The following EHBP1 variants were observed in gnomAD, a reference collection of about 807,000 sequenced individuals.
EHBP1 encodes EH domain-binding protein 1.
In EHBP1, 55 loss-of-function variants were observed where a neutral mutation model predicts 144.0. The observed-to-expected ratio is 0.38, with a 90% confidence interval of 0.31 to 0.48. The LOEUF is 0.48. Among genes scored for constraint, EHBP1 ranks in the 20% least tolerant of loss-of-function variants. EHBP1 has a pLI of 0.98. For synonymous variants in EHBP1, 469 were observed against 472.7 expected, an observed-to-expected ratio of 0.99 and a Z score of 0.10; for missense variants, 1,200 against 1,364.2, an observed-to-expected ratio of 0.88 and a Z score of 1.90.
intron 5 of EHBP1, among the ~76,000 whole-genome samples, chr2:62,818,017 C>T (rs761841316): frequency 1.3e-5 from 2 of 151,778 alleles, no homozygotes; most frequent in African/African-American, 2.4e-5. Flanking sequence ...AAGTGGACAG[C>T]AGTATATACA....
chr2:62,847,412 A>G (rs1026503477), intron 7 of EHBP1, among the ~76,000 whole-genome samples: 11 of 152,234 alleles, frequency 7.2e-5, no homozygotes, highest in South Asian at 2.1e-4. Context: ...ACAAAAACCT[A>G]GAAACCTGTG....
intron 10 of EHBP1, among the ~76,000 whole-genome samples, chr2:62,903,792 AGG>A (rs2053594070): frequency 4.9e-5 from 1 of 20,550 alleles, no homozygotes; most frequent in Non-Finnish European, 1.2e-4. Context: ...AAGGAGGAGA[AGG>A]AGAAGGAGAA....
intron 14 of EHBP1, among the ~76,000 whole-genome samples, chr2:62,964,539 GAA>G (rs746513669): frequency 1.4e-4 from 21 of 152,114 alleles, no homozygotes; most frequent in Non-Finnish European, 1.3e-4. Flanking sequence ...TGCCTTGAAC[GAA>G]AAGTCACATG....
At position 63,019,439 on chromosome 2, in the gene EHBP1, A is replaced by G. The variant is rs2060609279; in HGVS notation, c.3104-18096A>G. 2.0e-5 allele frequency among the ~76,000 whole-genome samples: 3 copies of G among 152,274 alleles called. No homozygotes were observed. The South Asian group carries it at 6.2e-4, about 32-fold the overall frequency. ...ATGTTTTAAAAAAGATAAAGGCAGC[A>G]GTGGCTCACGTCTGTAATCCCAGCA... is the stretch of plus-strand genomic sequence containing the variant. On this transcript the variant is annotated intron_variant, in intron 19 of 22. Transcript: ENST00000431489.
At chr2:62,978,348 G>A (rs1169342261) in intron 14 of EHBP1, among the ~76,000 whole-genome samples, 3 of 151,704 alleles carry the variant, frequency 2.0e-5, no homozygotes, top group East Asian at 3.9e-4. Context: ...CTACAGGCAC[G>A]TGCCACCATG....
intron 1 of EHBP1, among the ~76,000 whole-genome samples, chr2:62,684,861 A>G (rs966454401): frequency 6.6e-6 from 1 of 152,226 alleles, no homozygotes; most frequent in African/African-American, 2.4e-5. Context: ...GGCAGCCATA[A>G]CAAAGTACCA....
At position 62,859,784 on chromosome 2, in the gene EHBP1, G is replaced by A. The variant is rs147691023; in HGVS notation, c.757+493G>A. 2.6e-3 allele frequency among the ~76,000 whole-genome samples: 393 copies of A among 152,184 alleles called. 1 individual carries two copies. Among genetic ancestry groups the A allele is most frequent in the African/African-American group, 8.9e-3 (368 of 41,522 alleles). ...ATATATATATACAGCATACTTGTGA[G>A]GTATAAAACCAGGGATTTTTTTTCC... On this transcript the variant is annotated intron_variant, in intron 8 of 22. Coordinates refer to ENST00000431489, the MANE Select transcript of EHBP1 (RefSeq NM_001142616.3).
At chr2:62,753,648 G>A (rs1005600331) in intron 3 of EHBP1, among the ~76,000 whole-genome samples, 31 of 152,268 alleles carry the variant, frequency 2.0e-4, no homozygotes, top group Non-Finnish European at 3.5e-4. Context: ...CCAATCAGAC[G>A]TAGATTTGGT....
chr2:62,952,274 A>G (rs540280576), intron 13 of EHBP1, among the ~76,000 whole-genome samples: 18 of 152,346 alleles, frequency 1.2e-4, no homozygotes, highest in Middle Eastern at 6.8e-3. Flanking sequence ...GTAGGCTTTT[A>G]AAATTGTATA....
chr2:62,896,165 G>T (rs2052911063), intron 10 of EHBP1, among the ~76,000 whole-genome samples: 1 of 152,160 alleles, frequency 6.6e-6, no homozygotes, highest in Admixed American at 6.5e-5. Context: ...TAAATACAAT[G>T]ATATTAGATC....
rs1471838682 is a variant in EHBP1, at chr2:62,863,831, TTC to T, written c.758-898_758-897del. Among the ~76,000 whole-genome samples, 135 of 143,898 alleles carry T rather than the reference TTC, an allele frequency of 9.4e-4. 2 individuals are homozygous for T. Among genetic ancestry groups the T allele is most frequent in the African/African-American group, 2.8e-3 (111 of 40,134 alleles). The allele number at this position is 143,898 out of a possible 152,430, so 94.4% of individuals were successfully genotyped here. ...TATTTTATTTTTTTAAATTTTATTT[TTC>T]TGTGTTGTTTTTTTTTTTTTTTTTT... On this transcript the variant is annotated intron_variant, in intron 8 of 22. Coordinates refer to ENST00000431489, the MANE Select transcript of EHBP1 (RefSeq NM_001142616.3).
At chr2:62,875,847 T>C (rs2050849537) in intron 10 of EHBP1, among the ~76,000 whole-genome samples, 1 of 152,076 alleles carries the variant, frequency 6.6e-6, no homozygotes, top group Non-Finnish European at 1.5e-5. Flanking sequence ...CAATGGGAAG[T>C]ATTAACAGCA....
At chr2:62,991,614 T>A (rs1032548453) in intron 16 of EHBP1, among the ~76,000 whole-genome samples, 1 of 152,218 alleles carries the variant, frequency 6.6e-6, no homozygotes, top group Non-Finnish European at 1.5e-5. Context: ...TCTTACCTTG[T>A]GTAACATTTT....
At chr2:62,902,774 A>G (rs1247979459) in intron 10 of EHBP1, among the ~76,000 whole-genome samples, 1 of 152,240 alleles carries the variant, frequency 6.6e-6, no homozygotes, top group Non-Finnish European at 1.5e-5. Context: ...ACTGGTATAT[A>G]TGAAATATTT....
chr2:62,882,882 CAA>C lies in EHBP1; in HGVS notation c.1185+8363_1185+8364del, dbSNP rs11317874. 7.9e-3 allele frequency among the ~76,000 whole-genome samples: 1,135 copies of C among 143,598 alleles called. 6 individuals are homozygous for C. Among genetic ancestry groups the C allele is most frequent in the African/African-American group, 0.021 (804 of 39,176 alleles). 94.2% of individuals were successfully genotyped at this position (143,598 alleles called of 152,430 possible). A position where few individuals can be genotyped will look rare whatever the true frequency, so the allele number is the denominator to read the frequency against. On this transcript the variant is annotated intron_variant, in intron 10 of 22. Coordinates refer to ENST00000431489, the MANE Select transcript of EHBP1 (RefSeq NM_001142616.3). ...GGGCAACAAGAGTGAAACTCCCTCT[CAA>C]AAAAAAAAAAAAGAAAGGAAACAAA...
intron 1 of EHBP1, among the ~76,000 whole-genome samples, chr2:62,679,467 T>C (rs773696862): frequency 3.3e-5 from 5 of 152,192 alleles, no homozygotes; most frequent in Admixed American, 1.3e-4. Flanking sequence ...AGTTTAGCAT[T>C]TATATTTTCT....
chr2:63,023,552 C>T (rs2060847937), intron 19 of EHBP1, among the ~76,000 whole-genome samples: 1 of 152,206 alleles, frequency 6.6e-6, no homozygotes, highest in Non-Finnish European at 1.5e-5. Context: ...GTCCCTTGTA[C>T]TTACTGACTG....
intron 20 of EHBP1, among the ~76,000 whole-genome samples, 154 bp downstream of exon 20, chr2:63,037,788 G>A (rs925687342): frequency 1.3e-5 from 2 of 151,958 alleles, no homozygotes; most frequent in Admixed American, 6.6e-5. Flanking sequence ...GTATATGACA[G>A]TTTTCATCTT....
chr2:62,773,874 A>AC (rs2041863682), intron 5 of EHBP1, among the ~76,000 whole-genome samples: 1 of 145,018 alleles, frequency 6.9e-6, no homozygotes, highest in African/African-American at 2.5e-5. Flanking sequence ...AAAAAAAAAA[A>AC]AAAAAAAAAA....
Sources: gnomAD v4.1 joint callset for allele counts (sites outside exome capture counted in the v4.1 genomes callset) on GRCh38, gnomAD v4.1.1 for gene constraint, MANE v1.5 for transcripts, NCBI Gene and HGNC (gene_info 2026-07-23, HGNC 2026-07-21) for gene names.